Variants in PDGFD observed in about 807,000 individuals in gnomAD.
PDGFD encodes platelet-derived growth factor D.
PDGFD carries 30 observed loss-of-function variants against 44.7 expected under a neutral mutation model. The ratio of observed to expected loss-of-function variants is 0.67; its 90% CI spans 0.50 to 0.91. The LOEUF is 0.91. Among genes scored for constraint, PDGFD ranks in the 40% least tolerant of loss-of-function variants. PDGFD has a pLI of 0.00. For missense variants in PDGFD, 445 were observed against 457.8 expected, an observed-to-expected ratio of 0.97 and a Z score of 0.25; for synonymous variants, 173 against 168.4, an observed-to-expected ratio of 1.03 and a Z score of -0.21.
At chr11:103,936,565 T>C (rs751727816) in intron 5 of PDGFD, among the ~76,000 whole-genome samples, 227 of 152,328 alleles carry the variant, frequency 1.5e-3, no homozygotes, top group Middle Eastern at 3.4e-3. Flanking sequence ...TTTCTCAGTT[T>C]CTTATGCTAG....
rs991575960 is a variant in PDGFD at position 104,047,145 on chromosome 11, G to A, written c.125-46890C>T. ...TTTCTTCGTCCAGTCTATCATTGAT[G>A]GGCATTTGGGTTGGTTCCAAGTTTT... On this transcript the variant is annotated intron_variant, in intron 1 of 6. Transcript: ENST00000393158. Among the ~76,000 whole-genome samples the A allele has an allele frequency of 9.5e-5, 14 of 147,472 alleles. 1 individual carries two copies. The highest frequency in any genetic ancestry group is 3.2e-4 in the African/African-American group (13 of 40,522).
intron 5 of PDGFD, among the ~76,000 whole-genome samples, chr11:103,939,908 T>C (rs535818012): frequency 6.6e-6 from 1 of 152,254 alleles, no homozygotes; most frequent in South Asian, 2.1e-4. Flanking sequence ...CCTAGGAAAC[T>C]GAAAGTTGAA....
chr11:103,958,327 T>C (rs1389727477), intron 3 of PDGFD, among the ~76,000 whole-genome samples: 1 of 152,198 alleles, frequency 6.6e-6, no homozygotes, highest in African/African-American at 2.4e-5. Flanking sequence ...TTTTATAAAA[T>C]AAACGAATCT....
Position 103,909,543 on chromosome 11 carries a change from A to T in PDGFD, c.*151T>A. On this transcript the variant is annotated 3_prime_UTR_variant, in exon 7 of 7. Coordinates refer to ENST00000393158, the MANE Select transcript of PDGFD (RefSeq NM_025208.5). ...ATACCTTTCTACTTGCCATGGCATT[A>T]ACAAAGCAAGGCTGAGACTCAGCAA... 1 of 937,542 alleles carries T rather than the reference A, an allele frequency of 1.1e-6. No individual in the cohort carries two copies. Among genetic ancestry groups the T allele is most frequent in the South Asian group, 1.6e-5 (1 of 63,366 alleles). 58.1% of individuals were successfully genotyped at this position (937,542 alleles called of 1,614,324 possible). A position where few individuals can be genotyped will look rare whatever the true frequency, so the allele number is the denominator to read the frequency against.
chr11:104,128,186 A>C (rs568638468), intron 1 of PDGFD, among the ~76,000 whole-genome samples: 1 of 149,672 alleles, frequency 6.7e-6, no homozygotes, highest in African/African-American at 2.5e-5. Context: ...AGGAGAGACG[A>C]GTATAAAGGG....
intron 3 of PDGFD, among the ~76,000 whole-genome samples, chr11:103,966,862 C>T (rs1859028307): frequency 6.6e-6 from 1 of 152,114 alleles, no homozygotes; most frequent in South Asian, 2.1e-4. Context: ...CTTTCACTGA[C>T]CACTCACTCT....
At chr11:103,941,919 A>T (rs1255577003) in intron 5 of PDGFD, among the ~76,000 whole-genome samples, 4 of 152,220 alleles carry the variant, frequency 2.6e-5, no homozygotes, top group African/African-American at 9.6e-5. Flanking sequence ...TAGAGATCCA[A>T]ACACAGCAAT....
chr11:103,922,771 G>C (rs1049803507), intron 6 of PDGFD, among the ~76,000 whole-genome samples: 2 of 151,586 alleles, frequency 1.3e-5, no homozygotes, highest in Non-Finnish European at 2.9e-5. Flanking sequence ...GAGATGGGGG[G>C]GTCTCGCTAT....
At position 104,011,390 on chromosome 11, in the gene PDGFD, T is replaced by C. The variant is rs12226450; in HGVS notation, c.125-11135A>G. Among the ~76,000 whole-genome samples the C allele has an allele frequency of 1.3e-4, 20 of 152,266 alleles. No homozygotes were observed. The East Asian group carries it at 2.9e-3, about 22-fold the overall frequency. On this transcript the variant is annotated intron_variant, in intron 1 of 6. Transcript: ENST00000393158. ...AACACATTATGTATATTTATAATTA[T>C]ACTTAAAATAAATTTTTATTAAATT...
intron 1 of PDGFD, among the ~76,000 whole-genome samples, chr11:104,032,066 G>A (rs987968449): frequency 1.1e-4 from 17 of 152,240 alleles, no homozygotes; most frequent in Admixed American, 1.1e-3. Flanking sequence ...TAGGTGATGT[G>A]TTGATAGGTG....
intron 1 of PDGFD, among the ~76,000 whole-genome samples, chr11:104,020,953 G>A (rs137904588): frequency 2.9e-3 from 449 of 152,248 alleles, no homozygotes; most frequent in African/African-American, 9.9e-3. Flanking sequence ...CCTGTCTGCT[G>A]TATGAAGAAT....
At chr11:104,056,736 AATAAAACATTTAAAGCAATTATTTC>A (rs1860622445) in intron 1 of PDGFD, among the ~76,000 whole-genome samples, 1 of 152,214 alleles carries the variant, frequency 6.6e-6, no homozygotes. Flanking sequence ...TTTATATTTT[AATAAAACATTTAAAGCAATTATTTC>A]ATACAAAAAT....
chr11:104,062,883 T>A (rs1860735564), intron 1 of PDGFD, among the ~76,000 whole-genome samples: 1 of 152,208 alleles, frequency 6.6e-6, no homozygotes, highest in South Asian at 2.1e-4. Context: ...AGAGTAACTG[T>A]CAGTGCTATT....
chr11:104,081,553 A>G (rs1861045776), intron 1 of PDGFD, among the ~76,000 whole-genome samples: 1 of 152,190 alleles, frequency 6.6e-6, no homozygotes, highest in Non-Finnish European at 1.5e-5. Context: ...TCTATGATCA[A>G]CTGTCTTCAT....
At chr11:103,952,555 G>A (rs1858775360) in intron 3 of PDGFD, among the ~76,000 whole-genome samples, 1 of 152,120 alleles carries the variant, frequency 6.6e-6, no homozygotes, top group Admixed American at 6.5e-5. Flanking sequence ...GAGACCATCT[G>A]GGGGTCTGAT....
chr11:103,996,692 A>G (rs75911626), intron 2 of PDGFD, among the ~76,000 whole-genome samples: 5,266 of 152,312 alleles, frequency 0.035, 325 homozygotes, highest in African/African-American at 0.12. Flanking sequence ...TAAATGACCT[A>G]TATCTATATA....
chr11:104,137,102 T>C (rs1015581698), intron 1 of PDGFD, among the ~76,000 whole-genome samples: 2 of 152,224 alleles, frequency 1.3e-5, no homozygotes, highest in Non-Finnish European at 2.9e-5. Flanking sequence ...AGCTTGGGTC[T>C]ACTGAACACT....
At chr11:104,091,112 T>C (rs1399654138) in intron 1 of PDGFD, among the ~76,000 whole-genome samples, 1 of 152,168 alleles carries the variant, frequency 6.6e-6, no homozygotes, top group Non-Finnish European at 1.5e-5. Context: ...AGAGGAAGCA[T>C]GGTAAATTAA....
At chr11:103,941,747 T>C (rs1858587731) in intron 5 of PDGFD, among the ~76,000 whole-genome samples, 1 of 152,100 alleles carries the variant, frequency 6.6e-6, no homozygotes, top group African/African-American at 2.4e-5. Flanking sequence ...TTTCAAAATT[T>C]TAATATTTCC....
Sources: gnomAD v4.1 joint callset for allele counts (sites outside exome capture counted in the v4.1 genomes callset) on GRCh38, gnomAD v4.1.1 for gene constraint, MANE v1.5 for transcripts, NCBI Gene and HGNC (gene_info 2026-07-23, HGNC 2026-07-21) for gene names.